Variants in MAP3K15 observed in about 807,000 individuals in gnomAD.
MAP3K15 encodes mitogen-activated protein kinase kinase kinase 15.
In MAP3K15, 124 loss-of-function variants were observed where a neutral mutation model predicts 99.5. That is an observed-to-expected ratio of 1.25 (90% CI 1.08 to 1.45). The LOEUF (loss-of-function observed/expected upper bound fraction) is 1.45. Among genes scored for constraint, MAP3K15 ranks in the 40% most tolerant of loss-of-function variants. The pLI is 0.00. For missense variants in MAP3K15, 1,242 were observed against 1,079.7 expected (o/e 1.15, Z -2.11); for synonymous variants, 494 against 439.6 (o/e 1.12, Z -1.55).
At chrX:19,443,190 G>A (rs1172809809) in intron 6 of MAP3K15, among the ~76,000 whole-genome samples, 3 of 106,104 alleles carry the variant, frequency 2.8e-5, no homozygotes, top group Non-Finnish European at 5.8e-5. Flanking sequence ...GTGCCACCAT[G>A]CCTGGCTCAT....
At chrX:19,397,093 G>A (rs780141828) in intron 15 of MAP3K15, among the ~76,000 whole-genome samples, 12 of 109,879 alleles carry the variant, frequency 1.1e-4, no homozygotes, top group Admixed American at 9.8e-5. Context: ...TAACAGAGAC[G>A]AGGTTTCACC....
At chrX:19,488,795 C>T (rs764766105) in intron 2 of MAP3K15, 33 bp downstream of exon 2, 13 of 1,165,116 alleles carry the variant, frequency 1.1e-5, no homozygotes, top group Non-Finnish European at 1.5e-5. Context: ...TTTCCCAAAA[C>T]AAAGTACTCA....
rs868445319 is a variant in MAP3K15 at position 19,462,026 on chromosome X, C to T, written c.720-1873G>A. On this transcript the variant is annotated intron_variant, in intron 4 of 28. Transcript: ENST00000338883. ...ACACACACACACACACACACACACA[C>T]ACACACACACACAAAACAAAGCTGA... Among the ~76,000 whole-genome samples, 730 of 97,702 alleles carry T rather than the reference C, an allele frequency of 7.5e-3. 12 individuals carry two copies. The highest frequency in any genetic ancestry group is 0.031 in the African/African-American group (698 of 22,674). 84.8% of individuals were successfully genotyped at this position (97,702 alleles called of 115,157 possible).
rs149592833 is a variant in MAP3K15 at position 19,425,791 on chromosome X, T to C, written c.1280-101A>G. Reference sequence around the variant, plus strand: ...ATTTTGGCTGCTGTCTCAGGTGTGCTATAGGAAAAGTAACTGATTGTTCCT... The same window carrying C: ...ATTTTGGCTGCTGTCTCAGGTGTGCCATAGGAAAAGTAACTGATTGTTCCT... On this transcript the variant is annotated intron_variant, in intron 8 of 28. Transcript: ENST00000338883. 1.9e-3 allele frequency: 1,508 copies of C among 807,685 alleles called. 14 individuals carry two copies. In the African/African-American group the frequency reaches 0.029, roughly 15 times the overall value. 66.6% of individuals were successfully genotyped at this position (807,685 alleles called of 1,213,427 possible). A position where few individuals can be genotyped will look rare whatever the true frequency, so the allele number is the denominator to read the frequency against.
At chrX:19,459,957 G>A (rs776856492) in intron 5 of MAP3K15, 28 bp downstream of exon 5, 30 of 1,099,467 alleles carry the variant, frequency 2.7e-5, no homozygotes, top group East Asian at 3.2e-5. Flanking sequence ...CGTAGCATAC[G>A]TGAGCCTCGG....
At chrX:19,401,931 T>C (rs1215260702) in intron 13 of MAP3K15, among the ~76,000 whole-genome samples, 1 of 111,664 alleles carries the variant, frequency 9.0e-6, no homozygotes, top group African/African-American at 3.3e-5. Flanking sequence ...GAAAGCTGGA[T>C]AACCCAATCG....
At chrX:19,431,688 G>A (rs1056101782) in intron 6 of MAP3K15, 80 bp from the exon 7 acceptor site, 3 of 889,583 alleles carry the variant, frequency 3.4e-6, no homozygotes, top group African/African-American at 4.0e-5. Context: ...GCTCCCACCT[G>A]TAATCCCAGC....
intron 9 of MAP3K15, among the ~76,000 whole-genome samples, chrX:19,420,254 G>A (rs773761384): frequency 9.0e-6 from 1 of 111,272 alleles, no homozygotes; most frequent in Non-Finnish European, 1.9e-5. Context: ...TCCAGGAGCT[G>A]GTTTTTTGAA....
At chrX:19,480,547 G>C (rs1483140627) in intron 3 of MAP3K15, among the ~76,000 whole-genome samples, 5 of 107,825 alleles carry the variant, frequency 4.6e-5, no homozygotes, top group Non-Finnish European at 9.6e-5. Context: ...AGGCACGGTG[G>C]CTTGTGCCTG....
At position 19,361,564 on chromosome X, in the gene MAP3K15, C is replaced by T. The variant is rs368526609; in HGVS notation, c.3709G>A (p.Gly1237Arg). 8.3e-6 allele frequency: 10 copies of T among 1,210,161 alleles called. No homozygotes were observed. Among genetic ancestry groups the T allele is most frequent in the East Asian group, 3.0e-5 (1 of 33,841 alleles). ...ATAAGCTCTTTATCTGTTCTCTGCC[C>T]GTAGGGGCCTGCTGGGTTCTCTGTA... Reference protein sequence around the residue: ...CITENPAGPYGQRTDKELIDW... With the variant: ...CITENPAGPYRQRTDKELIDW... The change falls in exon 27 of 29, where the codon GGG (glycine) becomes AGG (arginine). Residue 1237 changes from glycine to arginine, a missense_variant. By Grantham distance (125) the Gly-to-Arg change is moderately radical. Transcript: ENST00000338883.
Position 19,372,663 on chromosome X carries a change from C to T in MAP3K15, c.3098G>A (p.Cys1033Tyr), listed in dbSNP as rs140332145. ...QNQVASNLQECVAQSSEELHL... is the reference protein window; with the variant it reads ...QNQVASNLQEYVAQSSEELHL... ...CCCTCGGGCAAATACCTGGGCCACA[C>T]ACTCCTGCAGGTTGGAAGCCACCTG... The change falls in exon 22 of 29, where the codon TGT becomes TAT. Residue 1033 changes from cysteine (C) to tyrosine (Y), a missense_variant. By Grantham distance (194) the Cys-to-Tyr change is radical. Transcript: ENST00000338883. 1.1e-4 allele frequency: 127 copies of T among 1,203,875 alleles called. No homozygotes were observed. The highest frequency in any genetic ancestry group is 1.3e-4 in the Non-Finnish European group (118 of 891,476).
chrX:19,422,390 C>CA (rs2063794795), intron 9 of MAP3K15, among the ~76,000 whole-genome samples: 1 of 111,573 alleles, frequency 9.0e-6, no homozygotes, highest in African/African-American at 3.3e-5. Flanking sequence ...AGACACTTCT[C>CA]AAAAAAAGAC....
intron 1 of MAP3K15, among the ~76,000 whole-genome samples, chrX:19,492,831 G>T (rs968441469): frequency 2.7e-5 from 3 of 110,412 alleles, no homozygotes; most frequent in Admixed American, 2.0e-4. Context: ...AGCTGGGTGT[G>T]GGGTGGGCGC....
chrX:19,386,129 C>T lies in MAP3K15; in HGVS notation c.2432-5852G>A, dbSNP rs148280055. On this transcript the variant is annotated intron_variant, in intron 18 of 28. Coordinates refer to ENST00000338883, the MANE Select transcript of MAP3K15 (RefSeq NM_001001671.4). ...ATGGCATTGTGGGGCATCTGAATCACGCACAAATCCTGGAAAATTGGGTTT... is the reference window on the plus strand; with the variant it reads ...ATGGCATTGTGGGGCATCTGAATCATGCACAAATCCTGGAAAATTGGGTTT... Among the ~76,000 whole-genome samples, 678 of 111,861 alleles carry T rather than the reference C, an allele frequency of 6.1e-3. 2 individuals are homozygous for T. Among genetic ancestry groups the T allele is most frequent in the African/African-American group, 0.021 (643 of 30,796 alleles).
chrX:19,386,896 G>A (rs1028902605), intron 18 of MAP3K15, among the ~76,000 whole-genome samples: 1 of 111,023 alleles, frequency 9.0e-6, no homozygotes, highest in Non-Finnish European at 1.9e-5. Flanking sequence ...TTTGGGGCAG[G>A]ACTGTCCCCA....
rs1476170700 is a variant in MAP3K15, at chrX:19,413,352, C to T, written c.1698+5G>A. The T allele has an allele frequency of 2.6e-6, 3 of 1,169,736 alleles. No homozygotes were observed. Among genetic ancestry groups the T allele is most frequent in the Non-Finnish European group, 3.5e-6 (3 of 863,360 alleles). On this transcript the variant is annotated splice_donor_5th_base_variant and intron_variant, in intron 11 of 28. Coordinates refer to ENST00000338883, the MANE Select transcript of MAP3K15 (RefSeq NM_001001671.4). ...ATTAAATTGCTTGTGATTTTTCCTC[C>T]TTACCATTTCTGTGGGTGAGACATG... is the stretch of plus-strand genomic sequence containing the variant.
At chrX:19,489,140 G>C (rs1031198316) in intron 1 of MAP3K15, among the ~76,000 whole-genome samples, 173 bp from the exon 2 acceptor site, 1 of 111,840 alleles carries the variant, frequency 8.9e-6, no homozygotes, top group African/African-American at 3.3e-5. Context: ...AAGAAATGCA[G>C]TAAGAATTTT....
At position 19,372,697 on chromosome X, in the gene MAP3K15, C is replaced by T. The variant is rs2063384781; in HGVS notation, c.3064G>A (p.Glu1022Lys). Reference sequence around the variant, plus strand: ...AGGTTGGAAGCCACCTGGTTCTGCTCCTCCCAGAGGATTTTGTACAGGATG... The same window carrying T: ...AGGTTGGAAGCCACCTGGTTCTGCTTCTCCCAGAGGATTTTGTACAGGATG... ...RAILYKILWE[E>K]QNQVASNLQE... Residue 1022 changes from glutamate (E) to lysine (K), a missense_variant, in exon 22 of 29, where the codon GAG becomes AAG. By Grantham distance (56) the Glu-to-Lys change is moderately conservative. Coordinates refer to ENST00000338883, the MANE Select transcript of MAP3K15 (RefSeq NM_001001671.4). 3.3e-6 allele frequency: 4 copies of T among 1,211,324 alleles called. No homozygotes were observed. Among genetic ancestry groups the T allele is most frequent in the Admixed American group, 2.2e-5 (1 of 46,017 alleles).
intron 1 of MAP3K15, among the ~76,000 whole-genome samples, chrX:19,507,487 G>A (rs1189123174): frequency 2.1e-5 from 2 of 97,529 alleles, no homozygotes; most frequent in Admixed American, 1.2e-4. Flanking sequence ...TGAGGTGGAA[G>A]GATCACTTGA....
Sources: allele counts gnomAD v4.1 joint callset (sites outside exome capture counted in the v4.1 genomes callset), GRCh38; gene constraint gnomAD v4.1.1; transcripts MANE v1.5; gene names NCBI Gene and HGNC (gene_info 2026-07-23, HGNC 2026-07-21).